Variants in NICOL1 observed in about 807,000 individuals in gnomAD.
NICOL1 encodes NELL2 interacting cell ontogeny regulator 1.
the NICOL1 span, among the ~76,000 whole-genome samples, chr4:2,040,697 C>A: frequency 1.3e-5 from 2 of 152,218 alleles, no homozygotes; most frequent in East Asian, 3.9e-4. Context: ...CAGCGGCCCG[C>A]AGCCCCCACC....
chr4:2,037,918 C>T, the NICOL1 span, among the ~76,000 whole-genome samples: 1 of 151,374 alleles, frequency 6.6e-6, no homozygotes, highest in African/African-American at 2.4e-5. Flanking sequence ...AAGTTTTCAG[C>T]ATTTTTACAT....
At chr4:2,041,927 A>C in the NICOL1 span, 3 of 1,417,440 alleles carry the variant, frequency 2.1e-6, no homozygotes, top group East Asian at 8.9e-5. Context: ...ACCCGCGGCC[A>C]GCGCAGTCTC....
the NICOL1 span, among the ~76,000 whole-genome samples, chr4:2,041,490 C>G: frequency 1.5e-4 from 23 of 152,224 alleles, no homozygotes; most frequent in African/African-American, 5.5e-4. Context: ...CGGGAGGGAC[C>G]GAGCAGGCTG....
chr4:2,039,566 G>A, the NICOL1 span, among the ~76,000 whole-genome samples: 1 of 152,154 alleles, frequency 6.6e-6, no homozygotes. Flanking sequence ...CAGGTGCAGT[G>A]GCTCACGCCT....
the NICOL1 span, chr4:2,042,006 G>A: frequency 2.0e-6 from 3 of 1,470,266 alleles, no homozygotes; most frequent in Non-Finnish European, 2.7e-6. Context: ...TGCGCGTTGC[G>A]CGCCGGACGC....
the NICOL1 span, among the ~76,000 whole-genome samples, chr4:2,040,726 G>A: frequency 6.6e-6 from 1 of 152,196 alleles, no homozygotes; most frequent in African/African-American, 2.4e-5. Context: ...CGGGCCCCGC[G>A]TGCGTTTCAG....
the NICOL1 span, chr4:2,042,034 C>T: frequency 6.1e-6 from 9 of 1,476,860 alleles, no homozygotes; most frequent in Middle Eastern, 1.9e-4. Context: ...CTGCCGGTGT[C>T]CCCGCGCTGC....
chr4:2,042,688 G>A, the NICOL1 span: 7 of 1,162,096 alleles, frequency 6.0e-6, no homozygotes, highest in African/African-American at 1.1e-4. Context: ...GGGGCCTTGC[G>A]GGTGACCCCC....
the NICOL1 span, chr4:2,043,825 C>T: frequency 6.5e-7 from 1 of 1,533,866 alleles, no homozygotes; most frequent in Non-Finnish European, 8.8e-7. Context: ...CAGTGGGCAG[C>T]TGGGCTGCAC....
the NICOL1 span, among the ~76,000 whole-genome samples, chr4:2,041,018 G>A: frequency 1.4e-4 from 22 of 152,080 alleles, no homozygotes; most frequent in African/African-American, 5.1e-4. Flanking sequence ...GGGCGCCCGA[G>A]GCTCCGGGTC....
At chr4:2,041,607 G>C in the NICOL1 span, 3 of 195,016 alleles carry the variant, frequency 1.5e-5, no homozygotes, top group African/African-American at 7.0e-5. Context: ...TCCGGGCGGT[G>C]CGACCCCACA....
At chr4:2,043,219 G>A in the NICOL1 span, among the ~76,000 whole-genome samples, 1 of 152,196 alleles carries the variant, frequency 6.6e-6, no homozygotes, top group African/African-American at 2.4e-5. Context: ...TGTGGCGAAA[G>A]TGTCAGGAAT....
At chr4:2,043,000 C>T in the NICOL1 span, among the ~76,000 whole-genome samples, 1 of 152,194 alleles carries the variant, frequency 6.6e-6, no homozygotes, top group African/African-American at 2.4e-5. Context: ...ATTCTGGGCA[C>T]CTGTCTCACC....
chr4:2,042,577 CT>C, the NICOL1 span: 11 of 496,046 alleles, frequency 2.2e-5, no homozygotes, highest in Non-Finnish European at 3.9e-5. Context: ...CGCGCCTCGC[CT>C]TTGTTCCCGG....
the NICOL1 span, among the ~76,000 whole-genome samples, chr4:2,037,989 T>G: frequency 6.6e-6 from 1 of 151,444 alleles, no homozygotes; most frequent in Non-Finnish European, 1.5e-5. Flanking sequence ...ATATTGCAAG[T>G]TTTCTAGGAT....
the NICOL1 span, among the ~76,000 whole-genome samples, chr4:2,041,145 T>TGGGGG: frequency 1.5e-4 from 6 of 41,134 alleles, no homozygotes; most frequent in African/African-American, 3.9e-4. Context: ...GGCTGCTGGG[T>TGGGGG]GGGGTGGGGG....
the NICOL1 span, chr4:2,043,836 C>T: frequency 5.2e-6 from 8 of 1,545,416 alleles, no homozygotes; most frequent in Non-Finnish European, 7.0e-6. Context: ...TGGGCTGCAC[C>T]CTCACCCCTC....
chr4:2,037,167 G>A, the NICOL1 span, among the ~76,000 whole-genome samples: 1 of 152,170 alleles, frequency 6.6e-6, no homozygotes, highest in Non-Finnish European at 1.5e-5. Context: ...CTTGCCCTTT[G>A]CCCTTCTGCC....
chr4:2,042,139 G>A, the NICOL1 span: 2 of 1,456,562 alleles, frequency 1.4e-6, no homozygotes, highest in East Asian at 5.8e-5. Context: ...GGCTCGCTGG[G>A]CCCGGAGACC....
Sources: allele counts gnomAD v4.1 joint callset (sites outside exome capture counted in the v4.1 genomes callset), GRCh38; gene constraint gnomAD v4.1.1; transcripts MANE v1.5; gene names NCBI Gene and HGNC (gene_info 2026-07-23, HGNC 2026-07-21).